LMNA: variants seen among roughly 807,000 people sequenced by gnomAD.
The protein encoded by LMNA is lamin.
In LMNA, 20 loss-of-function variants were observed where a neutral mutation model predicts 70.4. The observed-to-expected ratio is 0.28, with a 90% CI of 0.20 to 0.41. The LOEUF (loss-of-function observed/expected upper bound fraction) is 0.41. LMNA is among the 10% of genes least tolerant of loss of function. The pLI is 1.00. For missense variants in LMNA, 652 were observed against 917.2 expected (o/e 0.71, Z 3.73); for synonymous variants, 339 against 372.8 (o/e 0.91, Z 1.04).
intron 3 of LMNA, among the ~76,000 whole-genome samples, chr1:156,105,529 C>T (rs1170076271): frequency 2.0e-5 from 3 of 152,142 alleles, no homozygotes; most frequent in Admixed American, 6.5e-5. Flanking sequence ...TCCTAGTTGA[C>T]CTCCTGGCCT....
intron 1 of LMNA, among the ~76,000 whole-genome samples, chr1:156,123,992 C>G (rs1650374262): frequency 6.6e-6 from 1 of 152,186 alleles, no homozygotes; most frequent in South Asian, 2.1e-4. Context: ...TAAAACCTGG[C>G]TTTGTCTTAG....
At chr1:156,093,238 A>G (rs1167398447) in intron 3 of LMNA, among the ~76,000 whole-genome samples, 5 of 146,620 alleles carry the variant, frequency 3.4e-5, no homozygotes, top group Admixed American at 6.9e-5. Context: ...ATCATCTGCT[A>G]TTCCCTGACC....
At chr1:156,121,240 G>C (rs1650168767) in intron 1 of LMNA, among the ~76,000 whole-genome samples, 1 of 151,630 alleles carries the variant, frequency 6.6e-6, no homozygotes, top group Non-Finnish European at 1.5e-5. Context: ...GTAGAGACCA[G>C]GTTTCACCAT....
Position 156,139,874 on chromosome 1 carries a change from G to C in LMNA, c.*768G>C. The C allele has an allele frequency of 6.8e-7, 1 of 1,469,894 alleles. No individual in the cohort carries two copies. The highest frequency in any genetic ancestry group is 9.0e-7 in the Non-Finnish European group (1 of 1,114,482). 91.1% of individuals were successfully genotyped at this position (1,469,894 alleles called of 1,614,324 possible). ...CTGGGTGGGCTCTGTGCAGTCACTG[G>C]AGGTTGAAGCCAAGTGGGGTGCTGG... On this transcript the variant is annotated 3_prime_UTR_variant, in exon 12 of 12. Transcript: ENST00000368300.
chr1:156,104,157 G>A (rs1232327955), intron 3 of LMNA, among the ~76,000 whole-genome samples: 15 of 152,366 alleles, frequency 9.8e-5, no homozygotes, highest in Admixed American at 2.6e-4. Flanking sequence ...CAGCTTGGGC[G>A]TGTTGGGCGG....
chr1:156,138,013 AT>A lies in LMNA; in HGVS notation c.1698+273del, dbSNP rs994135080. The stretch of plus-strand genomic sequence containing the variant: ...GTGGGAGCAGTGGACAAGGGTCTGG[AT>A]TTGTCTTCTGGGAAAGGGAGGGGAG... On this transcript the variant is annotated intron_variant, in intron 10 of 11. Coordinates refer to ENST00000368300, the MANE Select transcript of LMNA (RefSeq NM_170707.4). This position sits in a 1 kb window ranked among gnomAD's most constrained non-coding sequence, Gnocchi z 5.5. 1 of 668,302 alleles carries A rather than the reference AT, an allele frequency of 1.5e-6. No homozygotes were observed. Among genetic ancestry groups the A allele is most frequent in the Non-Finnish European group, 2.4e-6 (1 of 408,546 alleles). The allele number at this position is 668,302 out of a possible 1,614,324, so 41.4% of individuals were successfully genotyped here. A position where few individuals can be genotyped will look rare whatever the true frequency, so the allele number is the denominator to read the frequency against.
chr1:156,097,277 G>C (rs1183948421), intron 3 of LMNA, among the ~76,000 whole-genome samples: 1 of 152,184 alleles, frequency 6.6e-6, no homozygotes, highest in Non-Finnish European at 1.5e-5. Context: ...TTCACCACAG[G>C]AAAGGGAAGG....
chr1:156,126,859 T>C (rs1170967248), intron 1 of LMNA: 1 of 1,611,848 alleles, frequency 6.2e-7, no homozygotes, highest in African/African-American at 1.3e-5. Flanking sequence ...GGACTGGCAC[T>C]CTGCTGGCAC....
At position 156,118,323 on chromosome 1, in the gene LMNA, G is replaced by A. The variant is rs371243831; in HGVS notation, c.356+3049G>A. Among the ~76,000 whole-genome samples the A allele has an allele frequency of 3.5e-4, 54 of 152,290 alleles. No homozygotes were observed. In the South Asian group the frequency reaches 0.01, roughly 29 times the overall value. ...ATCGAGAAACAGATTGAGTGGATTC[G>A]ATATTCTCTTGCTCACCCAGCCACG... On this transcript the variant is annotated intron_variant, in intron 1 of 11. Coordinates refer to ENST00000368300, the MANE Select transcript of LMNA (RefSeq NM_170707.4).
chr1:156,134,653 G>A lies in LMNA; in HGVS notation c.639+125G>A. ...AGTCCCTTGCCCTAGTGGACAGGGA[G>A]TTGGGGGTGGCCAGCACTCAGCTCC... is the stretch of plus-strand genomic sequence containing the variant. On this transcript the variant is annotated intron_variant, in intron 3 of 11. Coordinates refer to ENST00000368300, the MANE Select transcript of LMNA (RefSeq NM_170707.4). This position sits in a 1 kb window ranked among gnomAD's most constrained non-coding sequence, Gnocchi z 5.3. The A allele has an allele frequency of 1.3e-5, 20 of 1,533,174 alleles. No individual in the cohort carries two copies. The highest frequency in any genetic ancestry group is 1.8e-5 in the Non-Finnish European group (20 of 1,111,116). The allele number at this position is 1,533,174 out of a possible 1,614,324, so 95.0% of individuals were successfully genotyped here. A position where few individuals can be genotyped will look rare whatever the true frequency, so the allele number is the denominator to read the frequency against.
intron 3 of LMNA, among the ~76,000 whole-genome samples, chr1:156,092,540 G>A (rs1238017139): frequency 9.2e-5 from 14 of 151,798 alleles, no homozygotes; most frequent in Admixed American, 2.0e-4. Context: ...TTAGCTGGGC[G>A]TGGTGGTGGG....
intron 1 of LMNA, among the ~76,000 whole-genome samples, chr1:156,124,315 G>A (rs1650402126): frequency 6.6e-6 from 1 of 151,736 alleles, no homozygotes; most frequent in Non-Finnish European, 1.5e-5. Context: ...TTGAGATGGA[G>A]TCTCGCTCTG....
intron 1 of LMNA, among the ~76,000 whole-genome samples, chr1:156,118,429 G>A (rs994666984): frequency 2.6e-5 from 4 of 152,182 alleles, no homozygotes; most frequent in Admixed American, 6.5e-5. Context: ...GGGGCAGGGC[G>A]GAGGTGGTGT....
chr1:156,134,387 G>T lies in LMNA; in HGVS notation c.514-16G>T. On this transcript the variant is annotated splice_polypyrimidine_tract_variant and intron_variant, in intron 2 of 11. Coordinates refer to ENST00000368300, the MANE Select transcript of LMNA (RefSeq NM_170707.4). The surrounding 1 kb of genome is among the most constrained non-coding windows in gnomAD (Gnocchi z 5.3). Reference sequence around the variant, plus strand: ...TCTGTGACCCCTTTTCCTCATCTCTGCCTGCTTCCTCACAGCTTGAGGCAG... The same window carrying T: ...TCTGTGACCCCTTTTCCTCATCTCTTCCTGCTTCCTCACAGCTTGAGGCAG... The T allele has an allele frequency of 6.2e-7, 1 of 1,613,780 alleles. No individual in the cohort carries two copies. The highest frequency in any genetic ancestry group is 8.5e-7 in the Non-Finnish European group (1 of 1,179,940).
chr1:156,110,456 C>T (rs1419105805), upstream of LMNA, among the ~76,000 whole-genome samples: 3 of 152,228 alleles, frequency 2.0e-5, no homozygotes, highest in Non-Finnish European at 4.4e-5. Context: ...TATTGCACAT[C>T]CCCATTTTAC....
At chr1:156,132,833 C>G (rs1651186525) in intron 2 of LMNA, among the ~76,000 whole-genome samples, 2 of 137,000 alleles carry the variant, frequency 1.5e-5, no homozygotes, top group African/African-American at 5.4e-5. Context: ...CTCTCTCTCT[C>G]TCTCTTTTTT....
In LMNA at chr1:156,135,420, G is replaced by A. The variant is rs1651482774; in HGVS notation, c.936+108G>A. 7.1e-7 allele frequency: 1 copy of A among 1,407,786 alleles called. No individual in the cohort carries two copies. The highest frequency in any genetic ancestry group is 2.5e-5 in the East Asian group (1 of 40,120). The allele number at this position is 1,407,786 out of a possible 1,614,324, so 87.2% of individuals were successfully genotyped here. A position where few individuals can be genotyped will look rare whatever the true frequency, so the allele number is the denominator to read the frequency against. ...GTGGGGGTGGGAGGTTCCTGAGGAG[G>A]AGAGGGATGAAAAGTGTCCCCACAA... On this transcript the variant is annotated intron_variant, in intron 5 of 11. Transcript: ENST00000368300. The surrounding 1 kb of genome is among the most constrained non-coding windows in gnomAD (Gnocchi z 4.8).
At chr1:156,133,639 T>A (rs1651272875) in intron 2 of LMNA, among the ~76,000 whole-genome samples, 1 of 152,106 alleles carries the variant, frequency 6.6e-6, no homozygotes, top group South Asian at 2.1e-4. Context: ...ATCCTCAGGT[T>A]CTTTTCATGG....
intron 1 of LMNA, among the ~76,000 whole-genome samples, chr1:156,122,857 T>C (rs1166100284): frequency 6.6e-6 from 1 of 152,168 alleles, no homozygotes; most frequent in Non-Finnish European, 1.5e-5. Flanking sequence ...GCGGCTGGGC[T>C]GGGAGGAGGT....
Sources: gnomAD v4.1 joint callset for allele counts (sites outside exome capture counted in the v4.1 genomes callset) on GRCh38, gnomAD v4.1.1 for gene constraint, Gnocchi (gnomAD v3.1) non-coding constraint, MANE v1.5 for transcripts, NCBI Gene and HGNC (gene_info 2026-07-23, HGNC 2026-07-21) for gene names.